ZDHHC15: variants seen among roughly 807,000 people sequenced by gnomAD.
ZDHHC15 encodes palmitoyltransferase ZDHHC15.
In ZDHHC15, 19 loss-of-function variants were observed where a neutral mutation model predicts 31.7. The ratio of observed to expected loss-of-function variants is 0.60; its 90% CI spans 0.42 to 0.88. The LOEUF is 0.88. Ranked by LOEUF, ZDHHC15 falls within the 40% of genes least tolerant of loss-of-function variation. The probability of loss-of-function intolerance (pLI) is 0.00; values close to 1 mark genes in which losing one functional copy is unlikely to be tolerated. For missense variants in ZDHHC15, 209 were observed against 251.2 expected (o/e 0.83, Z 1.14); for synonymous variants, 103 against 90.0 (o/e 1.14, Z -0.82).
chrX:75,444,799 C>T lies in ZDHHC15; in HGVS notation c.379+6003G>A, dbSNP rs746395705. Among the ~76,000 whole-genome samples the T allele has an allele frequency of 3.5e-4, 36 of 103,010 alleles. 1 individual carries two copies. The highest frequency in any genetic ancestry group is 3.0e-3 in the Admixed American group (28 of 9,280). 89.5% of individuals were successfully genotyped at this position (103,010 alleles called of 115,157 possible). ...ATGTTTAAATAAATTACTGTATATC[C>T]GTTATAAAAAAAAATTCAGAGGAAG... On this transcript the variant is annotated intron_variant, in intron 4 of 11. Coordinates refer to ENST00000373367, the MANE Select transcript of ZDHHC15 (RefSeq NM_144969.3).
rs2083647465 is a variant in ZDHHC15, at chrX:75,421,844, C to T, written c.863+20G>A. Reference sequence around the variant, plus strand: ...GGCAGGGTCCAGTACTAACTTCTTCCAGTGGTAATATTTACTCACCTGGAA... The same window carrying T: ...GGCAGGGTCCAGTACTAACTTCTTCTAGTGGTAATATTTACTCACCTGGAA... On this transcript the variant is annotated intron_variant, in intron 9 of 11. Coordinates refer to ENST00000373367, the MANE Select transcript of ZDHHC15 (RefSeq NM_144969.3). 5.0e-6 allele frequency: 6 copies of T among 1,205,208 alleles called. No homozygotes were observed. The highest frequency in any genetic ancestry group is 6.7e-6 in the Non-Finnish European group (6 of 892,481).
chrX:75,447,442 A>T (rs1472046515), intron 4 of ZDHHC15, among the ~76,000 whole-genome samples: 3 of 112,243 alleles, frequency 2.7e-5, no homozygotes, highest in Non-Finnish European at 5.6e-5. Flanking sequence ...GTGCTGCAGT[A>T]GGCCCATGCT....
At chrX:75,390,900 A>T (rs1234974901) in intron 10 of ZDHHC15, among the ~76,000 whole-genome samples, 1 of 111,731 alleles carries the variant, frequency 9.0e-6, no homozygotes, top group African/African-American at 3.3e-5. Context: ...TCTCAGAGAG[A>T]CTGAGATAGT....
intron 4 of ZDHHC15, among the ~76,000 whole-genome samples, chrX:75,442,573 G>A (rs986360941): frequency 7.2e-5 from 8 of 111,856 alleles, no homozygotes; most frequent in East Asian, 2.8e-4. Flanking sequence ...AATAAAATAC[G>A]TAGGAATCCA....
At chrX:75,436,163 G>A (rs1417800085) in intron 4 of ZDHHC15, among the ~76,000 whole-genome samples, 5 of 111,380 alleles carry the variant, frequency 4.5e-5, no homozygotes, top group African/African-American at 1.3e-4. Flanking sequence ...ATGATCTTTT[G>A]TATTTCTGTT....
intron 4 of ZDHHC15, among the ~76,000 whole-genome samples, chrX:75,438,427 C>G (rs1243719177): frequency 3.2e-5 from 3 of 93,720 alleles, no homozygotes; most frequent in African/African-American, 1.1e-4. Flanking sequence ...CCCTCTTTGT[C>G]TTTTTAAACT....
At chrX:75,452,182 GAAGATCTACCAAGCAA>G (rs2084131524) in intron 3 of ZDHHC15, among the ~76,000 whole-genome samples, 1 of 93,406 alleles carries the variant, frequency 1.1e-5, no homozygotes, top group African/African-American at 3.9e-5. Flanking sequence ...AGGGATGGAG[GAAGATCTACCAAGCAA>G]ATAGAAAGCG....
intron 11 of ZDHHC15, among the ~76,000 whole-genome samples, chrX:75,375,458 G>GT (rs748729344): frequency 9.0e-6 from 1 of 111,321 alleles, no homozygotes; most frequent in South Asian, 3.8e-4. Context: ...GTGCAGGTTC[G>GT]TTAGGTGGTA....
At chrX:75,432,185 C>T (rs182359708) in intron 4 of ZDHHC15, among the ~76,000 whole-genome samples, 114 of 111,068 alleles carry the variant, frequency 1.0e-3, no homozygotes, top group Non-Finnish European at 1.9e-3. Context: ...AAAATCATTC[C>T]TCCTTCCCTC....
At chrX:75,500,172 T>C (rs2085067641) in intron 2 of ZDHHC15, among the ~76,000 whole-genome samples, 1 of 109,612 alleles carries the variant, frequency 9.1e-6, no homozygotes, top group Non-Finnish European at 1.9e-5. Flanking sequence ...GGGTTCAGTG[T>C]ACAGTTTGGG....
At chrX:75,495,074 A>G (rs765628641) in intron 2 of ZDHHC15, among the ~76,000 whole-genome samples, 1 of 111,917 alleles carries the variant, frequency 8.9e-6, no homozygotes, top group South Asian at 3.8e-4. Flanking sequence ...AATGAACTTA[A>G]ACAAATTTTC....
At chrX:75,449,184 ATCTC>A (rs3075207) in intron 4 of ZDHHC15, among the ~76,000 whole-genome samples, 2 of 85,025 alleles carry the variant, frequency 2.4e-5, no homozygotes, top group East Asian at 1.4e-3. Context: ...ATTCCTCATA[ATCTC>A]TCTCTCTCTC....
chrX:75,452,010 G>A lies in ZDHHC15; in HGVS notation c.259-1088C>T, dbSNP rs1048736274. Among the ~76,000 whole-genome samples, 6 of 110,954 alleles carry A rather than the reference G, an allele frequency of 5.4e-5. No individual in the cohort carries two copies. In the Admixed American group the frequency reaches 5.8e-4, roughly 11 times the overall value. ...ATAACCAGCTAACATCATAATGACA[G>A]GATCAAATTCACACATAACAATATT... On this transcript the variant is annotated intron_variant, in intron 3 of 11. Transcript: ENST00000373367.
intron 3 of ZDHHC15, among the ~76,000 whole-genome samples, chrX:75,466,813 C>T (rs1039411445): frequency 2.9e-5 from 3 of 104,365 alleles, no homozygotes; most frequent in African/African-American, 1.1e-4. Flanking sequence ...AAACACCATA[C>T]GTTCTAACTT....
At chrX:75,514,612 G>C (rs977393705) in intron 1 of ZDHHC15, among the ~76,000 whole-genome samples, 1 of 111,995 alleles carries the variant, frequency 8.9e-6, no homozygotes, top group African/African-American at 3.2e-5. Flanking sequence ...GGAAGCACAA[G>C]GGGTCTGGCA....
intron 10 of ZDHHC15, among the ~76,000 whole-genome samples, chrX:75,406,699 A>T (rs940742082): frequency 9.9e-6 from 1 of 101,083 alleles, no homozygotes; most frequent in African/African-American, 3.6e-5. Flanking sequence ...TGTAAAAAAA[A>T]GTCTTCCATC....
intron 4 of ZDHHC15, among the ~76,000 whole-genome samples, chrX:75,444,539 G>T (rs1423403787): frequency 9.8e-6 from 1 of 101,709 alleles, no homozygotes; most frequent in African/African-American, 3.7e-5. Context: ...AATGGGTGCA[G>T]CACACCAACA....
chrX:75,485,653 G>A (rs1479178510), intron 2 of ZDHHC15, among the ~76,000 whole-genome samples: 1 of 111,364 alleles, frequency 9.0e-6, no homozygotes, highest in African/African-American at 3.3e-5. Flanking sequence ...GAAAGGCAGA[G>A]CTTTGAAATG....
At chrX:75,408,083 AG>A (rs1360332604) in intron 10 of ZDHHC15, among the ~76,000 whole-genome samples, 2 of 110,426 alleles carry the variant, frequency 1.8e-5, no homozygotes, top group African/African-American at 6.6e-5. Flanking sequence ...AGAAGGCCGC[AG>A]GGTCCTCTGC....
Sources: gnomAD v4.1 joint callset for allele counts (sites outside exome capture counted in the v4.1 genomes callset) on GRCh38, gnomAD v4.1.1 for gene constraint, MANE v1.5 for transcripts, NCBI Gene and HGNC (gene_info 2026-07-23, HGNC 2026-07-21) for gene names.